SLC22A15: variants seen among roughly 807,000 people sequenced by gnomAD.
SLC22A15 encodes the protein flipt 1.
In SLC22A15, 45 loss-of-function variants were observed where a neutral mutation model predicts 62.7. That is an observed-to-expected ratio of 0.72 (90% confidence interval 0.56 to 0.92). The LOEUF (loss-of-function observed/expected upper bound fraction) is 0.92. Ranked by LOEUF, SLC22A15 falls within the 40% of genes least tolerant of loss-of-function variation. The probability of loss-of-function intolerance (pLI) is 0.00; values close to 1 mark genes in which losing one functional copy is unlikely to be tolerated. For missense variants in SLC22A15, 622 were observed against 665.6 expected, an observed-to-expected ratio of 0.93 and a Z score of 0.72; for synonymous variants, 264 against 267.0, an observed-to-expected ratio of 0.99 and a Z score of 0.11.
At chr1:116,009,880 T>C (rs1164264447) in intron 2 of SLC22A15, among the ~76,000 whole-genome samples, 2 of 152,172 alleles carry the variant, frequency 1.3e-5, no homozygotes, top group Admixed American at 1.3e-4. Context: ...TTTTGGAAGA[T>C]AAATATTAAG....
intron 8 of SLC22A15, among the ~76,000 whole-genome samples, chr1:116,052,743 G>A (rs920655170): frequency 6.6e-6 from 1 of 152,202 alleles, no homozygotes; most frequent in African/African-American, 2.4e-5. Flanking sequence ...AGCATTCGCG[G>A]TTCACGAAAA....
At chr1:115,979,051 C>T (rs1349426643) in intron 1 of SLC22A15, among the ~76,000 whole-genome samples, 2 of 152,130 alleles carry the variant, frequency 1.3e-5, no homozygotes, top group African/African-American at 4.8e-5. Flanking sequence ...AGGCACAAAA[C>T]CAGAAGGACA....
chr1:115,993,077 A>C (rs1389863852), intron 2 of SLC22A15, among the ~76,000 whole-genome samples: 1 of 152,218 alleles, frequency 6.6e-6, no homozygotes, highest in Non-Finnish European at 1.5e-5. Flanking sequence ...CTTCTGAGCC[A>C]GCCAGAGGTA....
chr1:116,012,623 T>C (rs1256294912), intron 2 of SLC22A15, among the ~76,000 whole-genome samples: 1 of 152,144 alleles, frequency 6.6e-6, no homozygotes, highest in Non-Finnish European at 1.5e-5. Context: ...ATTTATTAGG[T>C]ATTTGTATTT....
chr1:115,985,429 C>G (rs57030931), intron 1 of SLC22A15, among the ~76,000 whole-genome samples: 1 of 152,182 alleles, frequency 6.6e-6, no homozygotes, highest in African/African-American at 2.4e-5. Flanking sequence ...TTTCTCAGAA[C>G]GTTTCCCAGT....
At position 116,036,019 on chromosome 1, in the gene SLC22A15, G is replaced by A. The variant is rs1345078292; in HGVS notation, c.1085+692G>A. Among the ~76,000 whole-genome samples the A allele has an allele frequency of 2.6e-5, 4 of 152,082 alleles. No homozygotes were observed. The East Asian group carries it at 7.7e-4, about 29-fold the overall frequency. Reference sequence around the variant, plus strand: ...TTCCAGCCAAACTCAGAATTTCTTTGGTGTTGTGCTTAATGCCCTTGTCAT... The same window carrying A: ...TTCCAGCCAAACTCAGAATTTCTTTAGTGTTGTGCTTAATGCCCTTGTCAT... On this transcript the variant is annotated intron_variant, in intron 7 of 11. Transcript: ENST00000369503.
chr1:116,047,188 G>C (rs1657948604), intron 8 of SLC22A15, among the ~76,000 whole-genome samples: 1 of 152,120 alleles, frequency 6.6e-6, no homozygotes, highest in African/African-American at 2.4e-5. Flanking sequence ...CAGCACTATG[G>C]GAGGCTGAGG....
intron 2 of SLC22A15, among the ~76,000 whole-genome samples, chr1:116,000,932 G>A (rs1004964649): frequency 4.6e-5 from 7 of 151,944 alleles, no homozygotes; most frequent in African/African-American, 1.4e-4. Context: ...ATGCCCGGCC[G>A]ACCTTCCTGT....
intron 8 of SLC22A15, among the ~76,000 whole-genome samples, chr1:116,041,573 T>A (rs547630009): frequency 6.6e-6 from 1 of 152,210 alleles, no homozygotes; most frequent in Admixed American, 6.5e-5. Context: ...GAAAATGCCC[T>A]AGCACATGGT....
intron 2 of SLC22A15, among the ~76,000 whole-genome samples, chr1:115,992,763 A>G (rs945825320): frequency 2.0e-5 from 3 of 151,334 alleles, no homozygotes; most frequent in African/African-American, 7.3e-5. Flanking sequence ...CTGAGATTAC[A>G]GGCACCCACC....
intron 8 of SLC22A15, among the ~76,000 whole-genome samples, chr1:116,039,858 T>G (rs1168073290): frequency 6.6e-6 from 1 of 152,224 alleles, no homozygotes; most frequent in Non-Finnish European, 1.5e-5. Flanking sequence ...TTTTTTTATC[T>G]CAAGTTTTTC....
At chr1:116,005,626 T>G (rs1340932992) in intron 2 of SLC22A15, among the ~76,000 whole-genome samples, 1 of 152,148 alleles carries the variant, frequency 6.6e-6, no homozygotes, top group Non-Finnish European at 1.5e-5. Context: ...CCATGGTAGG[T>G]CACTATAGGT....
rs1040437546 is a variant in SLC22A15 at position 116,056,854 on chromosome 1, G to T, written c.1172-5908G>T. 1.7e-4 allele frequency among the ~76,000 whole-genome samples: 26 copies of T among 152,108 alleles called. 1 individual carries two copies. The highest frequency in any genetic ancestry group is 4.8e-4 in the African/African-American group (20 of 41,508). On this transcript the variant is annotated intron_variant, in intron 8 of 11. Coordinates refer to ENST00000369503, the MANE Select transcript of SLC22A15 (RefSeq NM_018420.3). ...GTGCTGGGAAAACTGGCTAGCCATAGGTACAAAGCTGAAACTGGATCCCTT... is the reference window on the plus strand; with the variant it reads ...GTGCTGGGAAAACTGGCTAGCCATATGTACAAAGCTGAAACTGGATCCCTT...
intron 8 of SLC22A15, among the ~76,000 whole-genome samples, chr1:116,060,088 A>G (rs150610039): frequency 9.1e-4 from 138 of 152,366 alleles, no homozygotes; most frequent in African/African-American, 3.2e-3. Flanking sequence ...ATTTTCAGAT[A>G]AAGAATCCAG....
At chr1:116,041,826 C>A (rs1309220253) in intron 8 of SLC22A15, among the ~76,000 whole-genome samples, 1 of 152,132 alleles carries the variant, frequency 6.6e-6, no homozygotes, top group Non-Finnish European at 1.5e-5. Context: ...CAGAAAGTGG[C>A]AGGCAGAACA....
intron 2 of SLC22A15, among the ~76,000 whole-genome samples, chr1:115,994,324 G>A (rs1332584244): frequency 6.6e-6 from 1 of 152,076 alleles, no homozygotes; most frequent in Non-Finnish European, 1.5e-5. Flanking sequence ...TATGAGGTAG[G>A]AATCATTTCC....
chr1:116,051,099 A>G (rs2101532217), intron 8 of SLC22A15, among the ~76,000 whole-genome samples: 1 of 152,346 alleles, frequency 6.6e-6, no homozygotes, highest in Non-Finnish European at 1.5e-5. Context: ...AAAACATTCC[A>G]TGTTCATGGA....
intron 1 of SLC22A15, among the ~76,000 whole-genome samples, chr1:115,981,487 G>C (rs58769560): frequency 0.024 from 3,643 of 152,260 alleles, 151 homozygotes; most frequent in African/African-American, 0.084. Flanking sequence ...TAGGTGGGTG[G>C]GGCAAAGAGA....
In SLC22A15 at chr1:115,978,919, G is replaced by A. The variant is rs150980077; in HGVS notation, c.87+2205G>A. On this transcript the variant is annotated intron_variant, in intron 1 of 11. Transcript: ENST00000369503. Reference sequence around the variant, plus strand: ...TGCTTTTAAAATCAAAGGAGTTTTCGTACCATTGCCCAAGGAAGGGGCAGA... The same window carrying A: ...TGCTTTTAAAATCAAAGGAGTTTTCATACCATTGCCCAAGGAAGGGGCAGA... Among the ~76,000 whole-genome samples the A allele has an allele frequency of 1.8e-3, 273 of 152,170 alleles. 1 individual carries two copies. Among genetic ancestry groups the A allele is most frequent in the African/African-American group, 6.0e-3 (248 of 41,500 alleles).
Sources: gnomAD v4.1 joint callset for allele counts (sites outside exome capture counted in the v4.1 genomes callset) on GRCh38, gnomAD v4.1.1 for gene constraint, MANE v1.5 for transcripts, NCBI Gene and HGNC (gene_info 2026-07-23, HGNC 2026-07-21) for gene names.